Variants in NIBAN1 observed in about 807,000 individuals in gnomAD.
The protein encoded by NIBAN1 is niban apoptosis regulator 1.
A neutral mutation model predicts 75.1 loss-of-function variants in NIBAN1; 81 were observed. The observed-to-expected ratio is 1.08, with a 90% CI of 0.90 to 1.30. NIBAN1 has a LOEUF of 1.30. Ranked by LOEUF, NIBAN1 falls within the 50% of genes most tolerant of loss-of-function variation. The pLI is 0.00. For missense variants in NIBAN1, 1,133 were observed against 1,128.1 expected (o/e 1.00, Z -0.06); for synonymous variants, 436 against 424.8 (o/e 1.03, Z -0.32).
At chr1:184,844,208 A>T (rs1655373110) in intron 5 of NIBAN1, among the ~76,000 whole-genome samples, 2 of 152,192 alleles carry the variant, frequency 1.3e-5, no homozygotes, top group South Asian at 4.1e-4. Flanking sequence ...AAATCAGAAC[A>T]CCTTAGTCTT....
At chr1:184,970,169 CAAAAAAAA>C (rs540891439) in intron 1 of NIBAN1, among the ~76,000 whole-genome samples, 2 of 71,518 alleles carry the variant, frequency 2.8e-5, no homozygotes, top group Non-Finnish European at 6.4e-5. Context: ...GACCCTGTCT[CAAAAAAAA>C]AAAAAAAAAA....
intron 1 of NIBAN1, among the ~76,000 whole-genome samples, chr1:184,907,163 G>A (rs1657126902): frequency 6.6e-6 from 1 of 151,928 alleles, no homozygotes; most frequent in East Asian, 1.9e-4. Context: ...TTTAAAAATA[G>A]TTGAGACTGT....
chr1:184,893,201 A>G (rs1438921637), intron 3 of NIBAN1, among the ~76,000 whole-genome samples: 2 of 152,174 alleles, frequency 1.3e-5, no homozygotes, highest in African/African-American at 4.8e-5. Context: ...AAATGTGTAC[A>G]GTATGAGATC....
At chr1:184,904,828 G>A (rs1294441923) in intron 1 of NIBAN1, among the ~76,000 whole-genome samples, 1 of 152,064 alleles carries the variant, frequency 6.6e-6, no homozygotes, top group African/African-American at 2.4e-5. Flanking sequence ...GTGCACACCT[G>A]TAATCCCAGC....
At chr1:184,939,242 A>G (rs1002753907) in intron 1 of NIBAN1, among the ~76,000 whole-genome samples, 2 of 152,234 alleles carry the variant, frequency 1.3e-5, no homozygotes, top group African/African-American at 2.4e-5. Context: ...TCAGTGCCAT[A>G]AACAAGGCTC....
At chr1:184,974,239 C>A in intron 1 of NIBAN1, 63 bp downstream of exon 1, 3 of 1,424,448 alleles carry the variant, frequency 2.1e-6, no homozygotes, top group South Asian at 2.9e-5. Context: ...GGGCCCCGAC[C>A]GCGGCAGCCA....
At chr1:184,881,091 A>G (rs1279341226) in intron 5 of NIBAN1, among the ~76,000 whole-genome samples, 1 of 148,818 alleles carries the variant, frequency 6.7e-6, no homozygotes, top group African/African-American at 2.6e-5. Flanking sequence ...GAAAGTGCAC[A>G]TGTGAGCATG....
intron 1 of NIBAN1, among the ~76,000 whole-genome samples, chr1:184,949,819 C>T (rs1227032210): frequency 6.6e-6 from 1 of 152,122 alleles, no homozygotes; most frequent in Admixed American, 6.5e-5. Context: ...GAATTTAGGT[C>T]TCAGTTTCTA....
chr1:184,969,692 CT>C (rs79772774), intron 1 of NIBAN1, among the ~76,000 whole-genome samples: 9,637 of 139,618 alleles, frequency 0.069, 901 homozygotes, highest in African/African-American at 0.22. Context: ...GAGTTTCTTT[CT>C]TTTTTTTTTT....
chr1:184,835,185 C>T (rs1190280629), intron 5 of NIBAN1, among the ~76,000 whole-genome samples: 2 of 152,140 alleles, frequency 1.3e-5, no homozygotes, highest in African/African-American at 4.8e-5. Flanking sequence ...GGCCTCTGTT[C>T]TGTTCCATTG....
chr1:184,936,825 A>C (rs1265570379), intron 1 of NIBAN1, among the ~76,000 whole-genome samples: 1 of 152,128 alleles, frequency 6.6e-6, no homozygotes, highest in Non-Finnish European at 1.5e-5. Flanking sequence ...ACTTTTTTCC[A>C]AATAAGGTAA....
chr1:184,829,455 A>G (rs1654934780), intron 6 of NIBAN1, among the ~76,000 whole-genome samples: 1 of 143,582 alleles, frequency 7.0e-6, no homozygotes, highest in African/African-American at 2.5e-5. Context: ...TTTATTAAAT[A>G]CATATATTCT....
chr1:184,802,458 T>C (rs1048281516), intron 12 of NIBAN1, among the ~76,000 whole-genome samples: 3 of 152,334 alleles, frequency 2.0e-5, no homozygotes, highest in Admixed American at 2.0e-4. Context: ...ACCATCATCA[T>C]TTGGCTGCTG....
intron 5 of NIBAN1, among the ~76,000 whole-genome samples, chr1:184,841,406 G>A (rs769601574): frequency 6.5e-4 from 99 of 152,190 alleles, no homozygotes; most frequent in Non-Finnish European, 1.2e-3. Context: ...GGTCACAGAT[G>A]TATTCTGAGG....
chr1:184,915,007 C>A (rs1349868262), intron 1 of NIBAN1, among the ~76,000 whole-genome samples: 1 of 152,222 alleles, frequency 6.6e-6, no homozygotes, highest in Admixed American at 6.5e-5. Context: ...CAGGCGTGAG[C>A]CACTGTGCCC....
chr1:184,858,393 A>G (rs1002262014), intron 5 of NIBAN1, among the ~76,000 whole-genome samples: 13 of 152,360 alleles, frequency 8.5e-5, no homozygotes, highest in Middle Eastern at 3.4e-3. Context: ...GGCAAAGAAC[A>G]TCAACGGACA....
intron 9 of NIBAN1, among the ~76,000 whole-genome samples, chr1:184,816,214 T>C (rs2102211654): frequency 6.6e-6 from 1 of 152,318 alleles, no homozygotes. Flanking sequence ...ACTCTTGATA[T>C]TATCCTCCCA....
chr1:184,913,087 T>A (rs1557911814), intron 1 of NIBAN1, among the ~76,000 whole-genome samples: 1 of 150,476 alleles, frequency 6.6e-6, no homozygotes, highest in Non-Finnish European at 1.5e-5. Context: ...TTGTCTAGTA[T>A]GCACAATATT....
chr1:184,914,709 T>C (rs1657336933), intron 1 of NIBAN1, among the ~76,000 whole-genome samples: 1 of 146,998 alleles, frequency 6.8e-6, no homozygotes, highest in Non-Finnish European at 1.5e-5. Context: ...AATTAATGGT[T>C]TAGTTAACTT....
Sources: gnomAD v4.1 joint callset for allele counts (sites outside exome capture counted in the v4.1 genomes callset) on GRCh38, gnomAD v4.1.1 for gene constraint, MANE v1.5 for transcripts, NCBI Gene and HGNC (gene_info 2026-07-23, HGNC 2026-07-21) for gene names.